SLC39A12: variants seen among roughly 807,000 people sequenced by gnomAD.
SLC39A12 encodes solute carrier family 39 member 12.
SLC39A12 carries 63 observed loss-of-function variants against 71.1 expected under a neutral mutation model. The observed-to-expected ratio is 0.89, with a 90% CI of 0.72 to 1.09. SLC39A12 has a LOEUF of 1.09. SLC39A12 is among the 50% of genes least tolerant of loss of function. The pLI is 0.00. For synonymous variants in SLC39A12, 351 were observed against 301.3 expected, an observed-to-expected ratio of 1.16 and a Z score of -1.71; for missense variants, 892 against 812.6, an observed-to-expected ratio of 1.10 and a Z score of -1.19.
At chr10:17,967,881 C>T (rs949144628) in intron 4 of SLC39A12, among the ~76,000 whole-genome samples, 13 of 103,986 alleles carry the variant, frequency 1.3e-4, no homozygotes, top group African/African-American at 5.5e-4. Context: ...AGCGAGACTC[C>T]GCCTCAAAAA....
chr10:18,038,827 T>C (rs1000304815), intron 12 of SLC39A12, among the ~76,000 whole-genome samples: 1 of 152,202 alleles, frequency 6.6e-6, no homozygotes, highest in Non-Finnish European at 1.5e-5. Flanking sequence ...TAGGGTCTAC[T>C]TCTCCTCAGC....
At chr10:17,959,432 T>G (rs1351659385) in intron 2 of SLC39A12, among the ~76,000 whole-genome samples, 2 of 152,170 alleles carry the variant, frequency 1.3e-5, no homozygotes, top group African/African-American at 4.8e-5. Flanking sequence ...ATGGATGACA[T>G]TTGTTTCTTC....
At chr10:18,032,739 G>A (rs1237100994) in intron 12 of SLC39A12, among the ~76,000 whole-genome samples, 1 of 151,876 alleles carries the variant, frequency 6.6e-6, no homozygotes, top group Non-Finnish European at 1.5e-5. Flanking sequence ...GTTTTCAAAG[G>A]GAATGCTTCC....
At chr10:17,993,685 G>C (rs572861988) in intron 9 of SLC39A12, among the ~76,000 whole-genome samples, 1 of 152,218 alleles carries the variant, frequency 6.6e-6, no homozygotes, top group South Asian at 2.1e-4. Context: ...GTGCACCTAG[G>C]ATTGGGGAGT....
rs571822837 is a variant in SLC39A12 at position 18,013,134 on chromosome 10, T to C, written c.1947+9776T>C. On this transcript the variant is annotated intron_variant, in intron 12 of 12. Transcript: ENST00000377369. Reference sequence around the variant, plus strand: ...TTGTAATATTATAATCTTTATATTATAATAAGCTAAAAAGCTAAACAATGA... The same window carrying C: ...TTGTAATATTATAATCTTTATATTACAATAAGCTAAAAAGCTAAACAATGA... 1.1e-4 allele frequency among the ~76,000 whole-genome samples: 17 copies of C among 151,324 alleles called. No homozygotes were observed. In the South Asian group the frequency reaches 2.7e-3, roughly 24 times the overall value.
chr10:18,041,816 CGT>C (rs1177946487), intron 12 of SLC39A12, among the ~76,000 whole-genome samples: 10 of 130,218 alleles, frequency 7.7e-5, no homozygotes, highest in African/African-American at 2.5e-4. Flanking sequence ...CATATGTATA[CGT>C]ATATGTATGT....
rs1239977340 is a variant in SLC39A12 at position 18,043,241 on chromosome 10, T to C, written c.*408T>C. On this transcript the variant is annotated 3_prime_UTR_variant, in exon 13 of 13. Coordinates refer to ENST00000377369, the MANE Select transcript of SLC39A12 (RefSeq NM_001145195.2). ...TTTTTCCCTGTGCAATTATAAACTA[T>C]AAGCAAGTTAAGTGACAAGCAAATG... 2 of 153,792 alleles carry C rather than the reference T, an allele frequency of 1.3e-5. No homozygotes were observed. 9.5% of individuals were successfully genotyped at this position (153,792 alleles called of 1,614,324 possible).
At chr10:18,042,666 A>G (rs1390590022) in intron 12 of SLC39A12, 39 bp from the exon 13 acceptor site, 3 of 1,577,652 alleles carry the variant, frequency 1.9e-6, no homozygotes, top group Admixed American at 1.9e-5. Flanking sequence ...GCAGTTGAAT[A>G]TATCTGGATC....
intron 4 of SLC39A12, among the ~76,000 whole-genome samples, chr10:17,966,542 C>G (rs954780175): frequency 6.6e-6 from 1 of 152,006 alleles, no homozygotes; most frequent in African/African-American, 2.4e-5. Context: ...TGATTCCTGG[C>G]CTCAAGTGAT....
At chr10:17,994,615 G>C (rs966296120) in intron 9 of SLC39A12, among the ~76,000 whole-genome samples, 71 of 152,102 alleles carry the variant, frequency 4.7e-4, no homozygotes, top group African/African-American at 1.7e-3. Context: ...TAACATAAAG[G>C]GATCACAATG....
At chr10:17,952,894 G>A (rs1834440507) in intron 1 of SLC39A12, among the ~76,000 whole-genome samples, 1 of 152,168 alleles carries the variant, frequency 6.6e-6, no homozygotes, top group Non-Finnish European at 1.5e-5. Flanking sequence ...ATAAACATAA[G>A]GTGTTTCCCA....
At chr10:17,952,776 C>A (rs1285169629) in intron 1 of SLC39A12, among the ~76,000 whole-genome samples, 2 of 152,136 alleles carry the variant, frequency 1.3e-5, no homozygotes, top group African/African-American at 4.8e-5. Context: ...TGTGAGCTAC[C>A]GCGCCTGGCC....
chr10:18,020,683 G>A (rs1836509710), intron 12 of SLC39A12, among the ~76,000 whole-genome samples: 1 of 151,912 alleles, frequency 6.6e-6, no homozygotes, highest in Non-Finnish European at 1.5e-5. Flanking sequence ...GAGATGGTGT[G>A]TCATTGTGGT....
chr10:17,987,383 GT>G, intron 6 of SLC39A12, 95 bp from the exon 7 acceptor site: 1 of 1,086,714 alleles, frequency 9.2e-7, no homozygotes, highest in Non-Finnish European at 1.4e-6. Context: ...CCTACTGGCT[GT>G]TACTGTAAGA....
chr10:18,001,043 C>T (rs1396526205), intron 11 of SLC39A12, among the ~76,000 whole-genome samples: 1 of 151,828 alleles, frequency 6.6e-6, no homozygotes, highest in Non-Finnish European at 1.5e-5. Context: ...TTTCCCAGGG[C>T]CAGAAATGAC....
chr10:17,982,153 C>T (rs1835277075), intron 6 of SLC39A12, among the ~76,000 whole-genome samples: 1 of 152,100 alleles, frequency 6.6e-6, no homozygotes, highest in African/African-American at 2.4e-5. Flanking sequence ...CTACCAGCCT[C>T]CCAGATGTAG....
chr10:17,995,400 C>G (rs1407748549), intron 9 of SLC39A12, among the ~76,000 whole-genome samples: 1 of 152,142 alleles, frequency 6.6e-6, no homozygotes, highest in Non-Finnish European at 1.5e-5. Context: ...GTCTCAGCAG[C>G]CTTCAGCTCT....
At chr10:17,981,689 A>T (rs1412265229) in intron 6 of SLC39A12, among the ~76,000 whole-genome samples, 1 of 152,184 alleles carries the variant, frequency 6.6e-6, no homozygotes, top group African/African-American at 2.4e-5. Context: ...AGATTAAGTG[A>T]CTTTCCCAAG....
chr10:18,000,571 G>A, intron 10 of SLC39A12, 96 bp from the exon 11 acceptor site: 1 of 1,129,396 alleles, frequency 8.9e-7, no homozygotes, highest in Non-Finnish European at 1.3e-6. Flanking sequence ...ATATAAGAAT[G>A]TCAAGTGTAG....
Sources: allele counts gnomAD v4.1 joint callset (sites outside exome capture counted in the v4.1 genomes callset), GRCh38; gene constraint gnomAD v4.1.1; transcripts MANE v1.5; gene names NCBI Gene and HGNC (gene_info 2026-07-23, HGNC 2026-07-21).